LAMA2: variants seen among roughly 807,000 people sequenced by gnomAD.
LAMA2 encodes the protein laminin subunit alpha 2, also known as laminin subunit alpha-2.
Under a neutral mutation model 364.8 loss-of-function variants are expected in LAMA2, and 269 were observed. The observed-to-expected ratio is 0.74, with a 90% CI of 0.67 to 0.82. LAMA2 has a LOEUF of 0.82. Among genes scored for constraint, LAMA2 ranks in the 40% least tolerant of loss-of-function variants. LAMA2 has a pLI of 0.00. For missense variants in LAMA2, 3,807 were observed against 3,873.2 expected (o/e 0.98, Z 0.45); for synonymous variants, 1,379 against 1,370.6 (o/e 1.01, Z -0.14).
chr6:128,951,485 A>G (rs1780818395), intron 1 of LAMA2, among the ~76,000 whole-genome samples: 5 of 152,184 alleles, frequency 3.3e-5, no homozygotes, highest in Admixed American at 2.0e-4. Flanking sequence ...CAAAATGAAA[A>G]TATTTCATTT....
intron 13 of LAMA2, among the ~76,000 whole-genome samples, chr6:129,251,654 C>T (rs899948037): frequency 6.6e-6 from 1 of 152,052 alleles, no homozygotes; most frequent in African/African-American, 2.4e-5. Flanking sequence ...CTACTAAGGC[C>T]GGGTGTGGTG....
chr6:129,172,563 C>G (rs1380873980), intron 9 of LAMA2, among the ~76,000 whole-genome samples: 1 of 152,200 alleles, frequency 6.6e-6, no homozygotes, highest in African/African-American at 2.4e-5. Context: ...CTGGGAGAAC[C>G]ACTGCTCTCT....
chr6:129,164,712 C>A (rs957219004), intron 8 of LAMA2, among the ~76,000 whole-genome samples: 2 of 152,200 alleles, frequency 1.3e-5, no homozygotes, highest in African/African-American at 4.8e-5. Flanking sequence ...TCACCTTGTT[C>A]AGTTTCCAGC....
At chr6:129,341,849 T>C (rs1776283522) in intron 29 of LAMA2, among the ~76,000 whole-genome samples, 2 of 152,240 alleles carry the variant, frequency 1.3e-5, no homozygotes, top group Admixed American at 1.3e-4. Flanking sequence ...GACTCCTCTG[T>C]ATTTATGAAG....
In LAMA2 at chr6:128,883,831, CACACATAT is replaced by C. The variant is rs1404862306; in HGVS notation, c.112+476_112+483del. ...ACACACACACACACACACACACACA[CACACATAT>C]ATATATATATAAAGTTTTACAGAAC... On this transcript the variant is annotated intron_variant, in intron 1 of 64. Transcript: ENST00000421865. 2.0e-3 allele frequency among the ~76,000 whole-genome samples: 228 copies of C among 114,218 alleles called. 3 individuals carry two copies. Among genetic ancestry groups the C allele is most frequent in the African/African-American group, 2.7e-3 (70 of 25,840 alleles). The allele number at this position is 114,218 out of a possible 152,430, so 74.9% of individuals were successfully genotyped here.
chr6:129,310,559 A>G (rs1281325662), intron 22 of LAMA2, among the ~76,000 whole-genome samples: 1 of 152,136 alleles, frequency 6.6e-6, no homozygotes, highest in Non-Finnish European at 1.5e-5. Flanking sequence ...GAGAGGTGAT[A>G]CCCTTTGTAA....
intron 28 of LAMA2, among the ~76,000 whole-genome samples, chr6:129,326,916 A>G (rs911241168): frequency 6.6e-6 from 1 of 150,766 alleles, no homozygotes; most frequent in African/African-American, 2.4e-5. Context: ...ATCTTGGTTT[A>G]TTTCTTCAGT....
At position 129,098,238 on chromosome 6, in the gene LAMA2, G is replaced by T. The variant is rs1179820621; in HGVS notation, c.462G>T (p.Leu154Phe). Residue 154 changes from leucine (L) to phenylalanine (F), a missense_variant, in exon 4 of 65, where the codon TTG (leucine) becomes TTT (phenylalanine). By Grantham distance (22) the Leu-to-Phe change is conservative. Coordinates refer to ENST00000421865, the MANE Select transcript of LAMA2 (RefSeq NM_000426.4). ...CCCCCCGGCCTGGAAACTGGATTTT[G>T]GAACGCTCTCTTGATGATGTTGAAT... is the stretch of plus-strand genomic sequence containing the variant. The part of the protein sequence containing the change: ...ANSPRPGNWI[L>F]ERSLDDVEYK... The T allele has an allele frequency of 3.7e-6, 6 of 1,613,978 alleles. No homozygotes were observed. Among genetic ancestry groups the T allele is most frequent in the Non-Finnish European group, 5.1e-6 (6 of 1,180,010 alleles).
chr6:129,101,795 G>A (rs938441356), intron 4 of LAMA2, among the ~76,000 whole-genome samples: 3 of 152,126 alleles, frequency 2.0e-5, no homozygotes, highest in Non-Finnish European at 4.4e-5. Flanking sequence ...CTACATATCT[G>A]CAAAGTGATG....
At chr6:129,106,110 G>A (rs1019927645) in intron 4 of LAMA2, among the ~76,000 whole-genome samples, 1 of 150,398 alleles carries the variant, frequency 6.6e-6, no homozygotes, top group East Asian at 1.9e-4. Context: ...TGGCAGGCTT[G>A]TATAAAAATC....
Position 129,192,770 on chromosome 6 carries a change from A to T in LAMA2, c.1699A>T (p.Ile567Phe). 6.2e-7 allele frequency: 1 copy of T among 1,614,210 alleles called. No individual in the cohort carries two copies. The highest frequency in any genetic ancestry group is 8.5e-7 in the Non-Finnish European group (1 of 1,180,022). ...QQDDLDSPQQ[I>F]SISNAEARQA... ...GGACGACTTGGACTCACCTCAGCAGATCAGCATCAGTAACGCGGAGGCCCG... is the reference window on the plus strand; with the variant it reads ...GGACGACTTGGACTCACCTCAGCAGTTCAGCATCAGTAACGCGGAGGCCCG... The change falls in exon 12 of 65, where the codon ATC (isoleucine) becomes TTC (phenylalanine). Residue 567 changes from isoleucine to phenylalanine, a missense_variant. This residue lies in a region of LAMA2 where 3,333 missense variants were observed against 3,345.7 expected (regional missense o/e 1.00). Transcript: ENST00000421865.
chr6:129,262,146 A>C (rs1562390917), intron 15 of LAMA2, among the ~76,000 whole-genome samples: 1 of 152,136 alleles, frequency 6.6e-6, no homozygotes, highest in Non-Finnish European at 1.5e-5. Flanking sequence ...CAATTGCTTA[A>C]TTGGCTATGC....
chr6:129,271,926 G>T (rs1247929316), intron 17 of LAMA2, among the ~76,000 whole-genome samples: 3 of 152,108 alleles, frequency 2.0e-5, no homozygotes, highest in Non-Finnish European at 4.4e-5. Context: ...AATACTATAA[G>T]CTAAAGACTT....
intron 29 of LAMA2, among the ~76,000 whole-genome samples, chr6:129,337,859 G>T (rs1776042970): frequency 6.6e-6 from 1 of 151,898 alleles, no homozygotes; most frequent in African/African-American, 2.4e-5. Context: ...TCCCCTAATG[G>T]CTAATTTTTA....
chr6:128,919,463 A>G (rs747059725), intron 1 of LAMA2, among the ~76,000 whole-genome samples: 3 of 152,216 alleles, frequency 2.0e-5, no homozygotes, highest in Admixed American at 2.0e-4. Context: ...CTTAAAATCT[A>G]TTAGTTGAGC....
intron 40 of LAMA2, among the ~76,000 whole-genome samples, chr6:129,420,251 A>G (rs1781011937): frequency 6.6e-6 from 1 of 152,108 alleles, no homozygotes; most frequent in Admixed American, 6.5e-5. Flanking sequence ...TAAAATGTAT[A>G]TTGAACTAGA....
At position 128,991,158 on chromosome 6, in the gene LAMA2, AT is replaced by A. The variant is rs1385415213; in HGVS notation, c.113-58755del. 3.3e-5 allele frequency among the ~76,000 whole-genome samples: 5 copies of A among 152,064 alleles called. No individual in the cohort carries two copies. The East Asian group carries it at 9.6e-4, about 29-fold the overall frequency. On this transcript the variant is annotated intron_variant, in intron 1 of 64. Coordinates refer to ENST00000421865, the MANE Select transcript of LAMA2 (RefSeq NM_000426.4). The stretch of plus-strand genomic sequence containing the variant: ...GGGAAAAAAAAATCACCTACTTGTG[AT>A]TTTTACTAATTTTTTTCCGTGAGAA...
Position 129,252,095 on chromosome 6 carries a change from G to T in LAMA2, c.1896G>T (p.Leu632Phe). 1 of 1,611,264 alleles carries T rather than the reference G, an allele frequency of 6.2e-7. No individual in the cohort carries two copies. ...QLMIILEGND[L>F]SISTAQDEVY... ...TTTTCCCCCTTTAGGGTAATGACTT[G>T]AGCATCAGCACAGCCCAAGATGAGG... The change falls in exon 14 of 65, where the codon TTG becomes TTT. Residue 632 changes from leucine (L) to phenylalanine (F), a missense_variant. By Grantham distance (22) the Leu-to-Phe change is conservative. Coordinates refer to ENST00000421865, the MANE Select transcript of LAMA2 (RefSeq NM_000426.4).
At chr6:129,223,909 G>A (rs978201819) in intron 12 of LAMA2, among the ~76,000 whole-genome samples, 2 of 152,098 alleles carry the variant, frequency 1.3e-5, no homozygotes, top group Admixed American at 6.5e-5. Context: ...GATAGGGATG[G>A]CATTGAATCT....
Sources: allele counts gnomAD v4.1 joint callset (sites outside exome capture counted in the v4.1 genomes callset), GRCh38; gene constraint gnomAD v4.1.1; regional missense constraint gnomAD v4.1.1; transcripts MANE v1.5; gene names NCBI Gene and HGNC (gene_info 2026-07-23, HGNC 2026-07-21).